The following YTHDC1 variants were observed in gnomAD, a reference collection of about 807,000 sequenced individuals.
YTHDC1 encodes the protein YTH N6-methyladenosine RNA binding protein C1.
In YTHDC1, 12 loss-of-function variants were observed where a neutral mutation model predicts 107.0. The observed-to-expected ratio is 0.11, with a 90% CI of 0.07 to 0.18. YTHDC1 has a LOEUF of 0.18. Among genes scored for constraint, YTHDC1 ranks in the 10% least tolerant of loss-of-function variants. The pLI, the probability that YTHDC1 is intolerant of heterozygous loss-of-function variation, is 1.00. For synonymous variants in YTHDC1, 280 were observed against 289.5 expected (o/e 0.97, Z 0.33); for missense variants, 635 against 898.8 (o/e 0.71, Z 3.75).
chr4:68,342,597 T>C (rs1465546333), intron 1 of YTHDC1, among the ~76,000 whole-genome samples: 1 of 152,202 alleles, frequency 6.6e-6, no homozygotes, highest in Non-Finnish European at 1.5e-5. Flanking sequence ...ATACTTGAGG[T>C]GCATTTTTAA....
intron 5 of YTHDC1, 133 bp from the exon 6 acceptor site, chr4:68,332,980 A>T (rs766252751): frequency 3.0e-5 from 22 of 745,184 alleles, no homozygotes; most frequent in Non-Finnish European, 4.5e-5. Context: ...ACACAAAAAA[A>T]ACTTCTCAAT....
At position 68,322,625 on chromosome 4, in the gene YTHDC1, T is replaced by C; in HGVS notation, c.1601+124A>G. On this transcript the variant is annotated intron_variant, in intron 11 of 16. Coordinates refer to ENST00000344157, the MANE Select transcript of YTHDC1 (RefSeq NM_001031732.4). The surrounding 1 kb of genome is among the most constrained non-coding windows in gnomAD (Gnocchi z 4.8). ...CTCAATGAAGCCACAAACTAGTCCATGCAGCTTGATTTGAGGATTTTCTCT... is the reference window on the plus strand; with the variant it reads ...CTCAATGAAGCCACAAACTAGTCCACGCAGCTTGATTTGAGGATTTTCTCT... 2 of 1,231,996 alleles carry C rather than the reference T, an allele frequency of 1.6e-6. No homozygotes were observed. The highest frequency in any genetic ancestry group is 2.6e-5 in the East Asian group (1 of 38,936). The allele number at this position is 1,231,996 out of a possible 1,614,324, so 76.3% of individuals were successfully genotyped here.
intron 1 of YTHDC1, among the ~76,000 whole-genome samples, chr4:68,340,823 A>G (rs1346056316): frequency 6.6e-6 from 1 of 152,130 alleles, no homozygotes; most frequent in Non-Finnish European, 1.5e-5. Flanking sequence ...TACTTTAGAC[A>G]TGCTAAATTT....
chr4:68,343,730 G>T (rs1725111928), intron 1 of YTHDC1, among the ~76,000 whole-genome samples: 1 of 151,354 alleles, frequency 6.6e-6, no homozygotes, highest in Non-Finnish European at 1.5e-5. Context: ...TAGAGAAGTG[G>T]TTTTGCCATG....
chr4:68,349,448 C>CT (rs1725829387), intron 1 of YTHDC1, among the ~76,000 whole-genome samples: 1 of 152,198 alleles, frequency 6.6e-6, no homozygotes, highest in African/African-American at 2.4e-5. Flanking sequence ...GAAAGGGCCC[C>CT]TCTCAGCCCA....
intron 9 of YTHDC1, among the ~76,000 whole-genome samples, chr4:68,327,984 A>C (rs775434483): frequency 8.5e-5 from 13 of 152,244 alleles, no homozygotes; most frequent in Admixed American, 1.3e-4. Context: ...TACTGCCCAC[A>C]ATTTTACACC....
At chr4:68,327,802 C>G (rs1723160304) in intron 9 of YTHDC1, among the ~76,000 whole-genome samples, 1 of 152,082 alleles carries the variant, frequency 6.6e-6, no homozygotes, top group African/African-American at 2.4e-5. Context: ...AGTGACTTAT[C>G]TAAGGAAATA....
intron 16 of YTHDC1, 48 bp from the exon 17 acceptor site, chr4:68,314,371 G>A (rs761281962): frequency 2.0e-6 from 3 of 1,518,170 alleles, no homozygotes; most frequent in Non-Finnish European, 2.7e-6. Flanking sequence ...GGCAAATAGT[G>A]TTAAGTGGAT....
At chr4:68,339,115 T>A (rs1454699786) in intron 1 of YTHDC1, among the ~76,000 whole-genome samples, 1 of 152,224 alleles carries the variant, frequency 6.6e-6, no homozygotes, top group Non-Finnish European at 1.5e-5. Context: ...AAAACGACTT[T>A]ACAGTGGAGA....
Position 68,310,513 on chromosome 4 carries a change from T to G in YTHDC1, c.*3586A>C, listed in dbSNP as rs1414827694. ...CAAGAGAATCCCCACCCCAAAAAATTAGAGATTAAATGATCTACATGATAG... is the reference window on the plus strand; with the variant it reads ...CAAGAGAATCCCCACCCCAAAAAATGAGAGATTAAATGATCTACATGATAG... On this transcript the variant is annotated 3_prime_UTR_variant, in exon 17 of 17. Coordinates refer to ENST00000344157, the MANE Select transcript of YTHDC1 (RefSeq NM_001031732.4). 2.0e-5 allele frequency: 3 copies of G among 152,138 alleles called. No homozygotes were observed. Among genetic ancestry groups the G allele is most frequent in the Non-Finnish European group, 4.4e-5 (3 of 68,022 alleles). The allele number at this position is 152,138 out of a possible 1,614,324, so 9.4% of individuals were successfully genotyped here. A position where few individuals can be genotyped will look rare whatever the true frequency, so the allele number is the denominator to read the frequency against.
At chr4:68,333,547 G>A in intron 4 of YTHDC1, 150 bp from the exon 5 acceptor site, 1 of 514,134 alleles carries the variant, frequency 1.9e-6, no homozygotes. Context: ...TCCTCAGAAT[G>A]TTTTATTTTA....
intron 7 of YTHDC1, among the ~76,000 whole-genome samples, chr4:68,330,759 T>C (rs115252578): frequency 0.034 from 5,122 of 152,206 alleles, 92 homozygotes; most frequent in Middle Eastern, 0.065. Context: ...TCTATTTAAG[T>C]TCGTTTTTTA....
chr4:68,343,550 T>TC (rs1725093492), intron 1 of YTHDC1, among the ~76,000 whole-genome samples: 1 of 149,614 alleles, frequency 6.7e-6, no homozygotes, highest in Admixed American at 6.6e-5. Flanking sequence ...AAAATTTTTT[T>TC]TTTTTTTGAG....
chr4:68,344,978 C>T (rs1232501872), intron 1 of YTHDC1, among the ~76,000 whole-genome samples: 3 of 152,134 alleles, frequency 2.0e-5, no homozygotes, highest in Admixed American at 6.5e-5. Flanking sequence ...CTGCAGTGAG[C>T]CCTGATCGCA....
At chr4:68,343,837 T>A (rs1194267188) in intron 1 of YTHDC1, among the ~76,000 whole-genome samples, 1 of 152,200 alleles carries the variant, frequency 6.6e-6, no homozygotes, top group East Asian at 1.9e-4. Flanking sequence ...TTTTTTATAA[T>A]GTGCCAGTTC....
At chr4:68,334,926 A>G (rs979970118) in intron 4 of YTHDC1, among the ~76,000 whole-genome samples, 1 of 152,168 alleles carries the variant, frequency 6.6e-6, no homozygotes, top group African/African-American at 2.4e-5. Flanking sequence ...AAATAACAGA[A>G]GCAGAAGATC....
chr4:68,313,592 A>G lies in YTHDC1; in HGVS notation c.*507T>C, dbSNP rs1031145178. On this transcript the variant is annotated 3_prime_UTR_variant, in exon 17 of 17. Transcript: ENST00000344157. ...AAAGTGACTTTATAAGTTTTTTAAA[A>G]AAAGAGGCAATGGGGAAAAAAACAA... 1 of 153,456 alleles carries G rather than the reference A, an allele frequency of 6.5e-6. No homozygotes were observed. Among genetic ancestry groups the G allele is most frequent in the African/African-American group, 2.4e-5 (1 of 41,444 alleles). 9.5% of individuals were successfully genotyped at this position (153,456 alleles called of 1,614,324 possible).
intron 1 of YTHDC1, among the ~76,000 whole-genome samples, chr4:68,345,974 CACA>C (rs1441716427): frequency 1.3e-5 from 2 of 151,790 alleles, no homozygotes; most frequent in African/African-American, 4.8e-5. Context: ...ACTATGATAA[CACA>C]ACAAAACCGC....
chr4:68,327,692 A>G (rs192433812), intron 9 of YTHDC1, among the ~76,000 whole-genome samples: 11 of 152,328 alleles, frequency 7.2e-5, no homozygotes, highest in Admixed American at 4.6e-4. Context: ...GTTACTGTTG[A>G]TAGCAAAGTC....
Sources: allele counts gnomAD v4.1 joint callset (sites outside exome capture counted in the v4.1 genomes callset), GRCh38; gene constraint gnomAD v4.1.1; non-coding constraint Gnocchi (gnomAD v3.1); transcripts MANE v1.5; gene names NCBI Gene and HGNC (gene_info 2026-07-23, HGNC 2026-07-21).